The following DCAF17 variants were observed in gnomAD, a reference collection of about 807,000 sequenced individuals.
The protein encoded by DCAF17 is DDB1- and CUL4-associated factor 17.
In DCAF17, 48 loss-of-function variants were observed where a neutral mutation model predicts 66.0. The ratio of observed to expected loss-of-function variants is 0.73; its 90% CI spans 0.58 to 0.92. The LOEUF (loss-of-function observed/expected upper bound fraction) is 0.92. Ranked by LOEUF, DCAF17 falls within the 40% of genes least tolerant of loss-of-function variation. The pLI is 0.00. For missense variants in DCAF17, 562 were observed against 622.8 expected, an observed-to-expected ratio of 0.90 and a Z score of 1.04; for synonymous variants, 206 against 214.6, an observed-to-expected ratio of 0.96 and a Z score of 0.35.
At chr2:171,448,497 T>G (rs1694764183) in intron 3 of DCAF17, among the ~76,000 whole-genome samples, 184 bp from the exon 4 acceptor site, 1 of 152,238 alleles carries the variant, frequency 6.6e-6, no homozygotes, top group South Asian at 2.1e-4. Flanking sequence ...CAATAAGTGA[T>G]GATGAAATAA....
chr2:171,453,408 C>A (rs545524020), intron 6 of DCAF17, among the ~76,000 whole-genome samples, 195 bp downstream of exon 6: 2 of 152,150 alleles, frequency 1.3e-5, no homozygotes, highest in East Asian at 3.9e-4. Flanking sequence ...TGTTTTTATG[C>A]CTCTCAGGTG....
intron 6 of DCAF17, among the ~76,000 whole-genome samples, chr2:171,455,324 A>G (rs1256703188): frequency 6.6e-6 from 1 of 152,198 alleles, no homozygotes; most frequent in Non-Finnish European, 1.5e-5. Flanking sequence ...ACGTCCCTGC[A>G]AAGGACATGA....
chr2:171,460,883 T>A (rs1385887140), intron 8 of DCAF17, among the ~76,000 whole-genome samples: 1 of 152,128 alleles, frequency 6.6e-6, no homozygotes, highest in Non-Finnish European at 1.5e-5. Flanking sequence ...ATTTTGAAAC[T>A]TTGAAATAAT....
chr2:171,434,752 G>A, intron 1 of DCAF17, 49 bp downstream of exon 1: 5 of 1,389,970 alleles, frequency 3.6e-6, no homozygotes, highest in Non-Finnish European at 9.2e-7. Context: ...GGCGCGCGGC[G>A]GCCGAGCCTC....
rs2105308361 is a variant in DCAF17, at chr2:171,484,791, T to C, written c.*3677T>C. The C allele has an allele frequency of 2.2e-6, 1 of 454,082 alleles. No individual in the cohort carries two copies. Among genetic ancestry groups the C allele is most frequent in the Non-Finnish European group, 4.4e-6 (1 of 226,774 alleles). 28.1% of individuals were successfully genotyped at this position (454,082 alleles called of 1,614,324 possible). ...TATAACTACTGTTCTCATTCTTTTA[T>C]ATCAAAGGTTAAATTTACCTGTTCT... On this transcript the variant is annotated 3_prime_UTR_variant, in exon 14 of 14. Transcript: ENST00000375255.
intron 2 of DCAF17, among the ~76,000 whole-genome samples, chr2:171,440,245 C>T (rs972711176): frequency 3.3e-5 from 5 of 152,146 alleles, no homozygotes; most frequent in Non-Finnish European, 5.9e-5. Context: ...GTTAGCATGC[C>T]TTGTCATTTT....
intron 8 of DCAF17, among the ~76,000 whole-genome samples, chr2:171,462,933 AAAG>A (rs1209651490): frequency 1.3e-5 from 2 of 152,124 alleles, no homozygotes; most frequent in Non-Finnish European, 2.9e-5. Flanking sequence ...AAATTGTTAA[AAAG>A]AAGGAGGAGT....
At position 171,477,879 on chromosome 2, in the gene DCAF17, G is replaced by A. The variant is rs146683580; in HGVS notation, c.1183-108G>A. The stretch of plus-strand genomic sequence containing the variant: ...TTTCTCAGTTGAGGAAAGAATTGTG[G>A]ATGTGGGAGAAGGGTTGGTAAGTTT... On this transcript the variant is annotated intron_variant, in intron 11 of 13. Transcript: ENST00000375255. The A allele has an allele frequency of 9.7e-3, 8,057 of 828,710 alleles. 54 individuals are homozygous for A. The highest frequency in any genetic ancestry group is 0.016 in the Middle Eastern group (68 of 4,320). The allele number at this position is 828,710 out of a possible 1,614,324, so 51.3% of individuals were successfully genotyped here. A position where few individuals can be genotyped will look rare whatever the true frequency, so the allele number is the denominator to read the frequency against.
intron 5 of DCAF17, among the ~76,000 whole-genome samples, chr2:171,451,600 G>A (rs937881169): frequency 3.3e-5 from 5 of 152,108 alleles, no homozygotes; most frequent in African/African-American, 1.2e-4. Context: ...GTTTTGAGAC[G>A]GAGTCTCGCT....
chr2:171,458,498 T>G, intron 8 of DCAF17, 21 bp downstream of exon 8: 1 of 1,562,418 alleles, frequency 6.4e-7, no homozygotes, highest in Admixed American at 1.7e-5. Flanking sequence ...TCTATAGTAT[T>G]TTTTCACCTT....
chr2:171,467,749 A>T (rs112420917), intron 8 of DCAF17, among the ~76,000 whole-genome samples: 2 of 145,232 alleles, frequency 1.4e-5, no homozygotes, highest in African/African-American at 5.1e-5. Context: ...AAAAAAAAAA[A>T]AAAAAGTTGT....
chr2:171,459,113 C>T (rs1227057551), intron 8 of DCAF17, among the ~76,000 whole-genome samples: 1 of 151,896 alleles, frequency 6.6e-6, no homozygotes, highest in Non-Finnish European at 1.5e-5. Context: ...AGTTTGAGAC[C>T]AGCCTGACCA....
chr2:171,435,547 C>CTT (rs35241834), intron 2 of DCAF17, among the ~76,000 whole-genome samples: 30 of 136,532 alleles, frequency 2.2e-4, no homozygotes, highest in South Asian at 2.3e-4. Context: ...AAGTACTTGC[C>CTT]TTTTTTTTTT....
intron 6 of DCAF17, among the ~76,000 whole-genome samples, chr2:171,453,996 A>C (rs1382907736): frequency 2.0e-5 from 3 of 152,120 alleles, no homozygotes; most frequent in African/African-American, 7.2e-5. Context: ...TGTGCCATGC[A>C]CTTTGAATAT....
intron 5 of DCAF17, among the ~76,000 whole-genome samples, chr2:171,452,344 C>T (rs957434984): frequency 3.3e-5 from 5 of 152,082 alleles, no homozygotes; most frequent in Admixed American, 2.6e-4. Context: ...GAAATTGGAC[C>T]TTGTTCTTCA....
At chr2:171,476,643 G>T (rs896378335) in intron 10 of DCAF17, among the ~76,000 whole-genome samples, 1 of 152,184 alleles carries the variant, frequency 6.6e-6, no homozygotes, top group Non-Finnish European at 1.5e-5. Flanking sequence ...GGCACCTGTT[G>T]TCACAGTTCC....
intron 8 of DCAF17, among the ~76,000 whole-genome samples, chr2:171,462,680 C>CT (rs1010112699): frequency 7.2e-5 from 11 of 152,110 alleles, no homozygotes; most frequent in African/African-American, 2.7e-4. Flanking sequence ...GCGTGTACTC[C>CT]TTGAACCCAG....
chr2:171,467,762 G>T (rs956964547), intron 8 of DCAF17, among the ~76,000 whole-genome samples: 2 of 149,954 alleles, frequency 1.3e-5, no homozygotes, highest in Non-Finnish European at 3.0e-5. Flanking sequence ...AAAGTTGTAC[G>T]TGGATTTTTG....
chr2:171,481,337 G>A lies in DCAF17; in HGVS notation c.*223G>A, dbSNP rs1224427393. 1.6e-6 allele frequency: 1 copy of A among 624,726 alleles called. No individual in the cohort carries two copies. The highest frequency in any genetic ancestry group is 2.9e-6 in the Non-Finnish European group (1 of 340,564). The allele number at this position is 624,726 out of a possible 1,614,324, so 38.7% of individuals were successfully genotyped here. The stretch of plus-strand genomic sequence containing the variant: ...TTAGAATACTGTTCCAAGAAGTTTA[G>A]TGTTTTGCAGCTTTGAGCTAGGTGG... On this transcript the variant is annotated 3_prime_UTR_variant, in exon 14 of 14. Transcript: ENST00000375255.
Sources: gnomAD v4.1 joint callset for allele counts (sites outside exome capture counted in the v4.1 genomes callset) on GRCh38, gnomAD v4.1.1 for gene constraint, MANE v1.5 for transcripts, NCBI Gene and HGNC (gene_info 2026-07-23, HGNC 2026-07-21) for gene names.